Variants in ACTR3C observed in about 807,000 individuals in gnomAD.
ACTR3C encodes actin-related protein 3C.
In ACTR3C, 18 loss-of-function variants were observed where a neutral mutation model predicts 26.3. That is an observed-to-expected ratio of 0.68 (90% CI 0.47 to 1.01). The LOEUF (loss-of-function observed/expected upper bound fraction) is 1.01, where lower values mean the gene tolerates loss of function less well. Among genes scored for constraint, ACTR3C ranks in the 50% least tolerant of loss-of-function variants. The pLI is 0.00. For synonymous variants in ACTR3C, 55 were observed against 94.5 expected (o/e 0.58, Z 2.42); for missense variants, 184 against 250.7 (o/e 0.73, Z 1.80).
the ACTR3C span, among the ~76,000 whole-genome samples, chr7:150,207,743 C>T: frequency 9.2e-5 from 14 of 152,150 alleles, no homozygotes; most frequent in Non-Finnish European, 1.9e-4. Context: ...TGTTGACACG[C>T]TTTTCATTTC....
chr7:150,141,006 C>T, the ACTR3C span, among the ~76,000 whole-genome samples: 3 of 152,344 alleles, frequency 2.0e-5, no homozygotes, highest in Non-Finnish European at 2.9e-5. Flanking sequence ...AACCAGCCAC[C>T]ACATTCCCTT....
At chr7:150,256,534 T>C (rs1484653538) in intron 6 of ACTR3C, among the ~76,000 whole-genome samples, 1 of 152,226 alleles carries the variant, frequency 6.6e-6, no homozygotes, top group African/African-American at 2.4e-5. Context: ...TTATTGTCAC[T>C]TATAAGTGGG....
chr7:150,267,185 C>T (rs987311907), intron 6 of ACTR3C, among the ~76,000 whole-genome samples: 1 of 152,188 alleles, frequency 6.6e-6, no homozygotes, highest in Non-Finnish European at 1.5e-5. Context: ...TCAAAAGCAC[C>T]GAGTGAAGGA....
At chr7:150,092,676 G>A in the ACTR3C span, among the ~76,000 whole-genome samples, 3 of 150,436 alleles carry the variant, frequency 2.0e-5, no homozygotes, top group Admixed American at 2.0e-4. Context: ...CTGAACATCC[G>A]GGAGGACACT....
chr7:150,117,991 T>G, the ACTR3C span, among the ~76,000 whole-genome samples: 66,568 of 151,912 alleles, frequency 0.44, 14,768 homozygotes, highest in African/African-American at 0.51. Flanking sequence ...GCAGAAGAGG[T>G]GACTGACTGT....
the ACTR3C span, among the ~76,000 whole-genome samples, chr7:149,970,704 A>G: frequency 6.6e-6 from 1 of 152,240 alleles, no homozygotes; most frequent in Non-Finnish European, 1.5e-5. Context: ...GCTAAATTCT[A>G]TTCACATATA....
chr7:150,263,133 G>T (rs1486265247), intron 6 of ACTR3C, among the ~76,000 whole-genome samples: 14 of 151,970 alleles, frequency 9.2e-5, no homozygotes, highest in Admixed American at 9.2e-4. Context: ...TTAAAGAAAT[G>T]ATGATAATTT....
At chr7:149,939,066 C>T in the ACTR3C span, among the ~76,000 whole-genome samples, 1 of 151,582 alleles carries the variant, frequency 6.6e-6, no homozygotes, top group Non-Finnish European at 1.5e-5. Context: ...CCGCAACCTC[C>T]GCCTCCCGGG....
chr7:149,904,530 CAA>C, the ACTR3C span, among the ~76,000 whole-genome samples: 2 of 101,372 alleles, frequency 2.0e-5, no homozygotes, highest in Non-Finnish European at 4.9e-5. Context: ...GACTCCATCT[CAA>C]AAAACAACAA....
chr7:149,943,958 G>A, the ACTR3C span, among the ~76,000 whole-genome samples: 1 of 142,726 alleles, frequency 7.0e-6, no homozygotes, highest in Non-Finnish European at 1.5e-5. Context: ...CCAGCCATGG[G>A]ACTGTCAGGT....
At chr7:150,214,513 C>T in the ACTR3C span, among the ~76,000 whole-genome samples, 28,683 of 149,198 alleles carry the variant, frequency 0.19, 3,991 homozygotes, top group African/African-American at 0.4. Context: ...AGAAATTAAA[C>T]CTGAAAAAGA....
the ACTR3C span, among the ~76,000 whole-genome samples, chr7:150,044,556 T>A: frequency 3.0e-3 from 457 of 152,308 alleles, 4 homozygotes; most frequent in South Asian, 0.032. Context: ...GCCTGTGTAG[T>A]TTGTGCATTT....
At chr7:150,042,791 T>C in the ACTR3C span, among the ~76,000 whole-genome samples, 3 of 151,330 alleles carry the variant, frequency 2.0e-5, no homozygotes, top group South Asian at 2.1e-4. Context: ...AGACGTAGGC[T>C]ACCGGCCTCA....
the ACTR3C span, among the ~76,000 whole-genome samples, chr7:149,998,947 T>C: frequency 9.3e-5 from 14 of 150,478 alleles, no homozygotes; most frequent in East Asian, 2.2e-4. Flanking sequence ...TGCCACATGA[T>C]GAGGAAGGGC....
At chr7:150,008,169 C>T in the ACTR3C span, among the ~76,000 whole-genome samples, 3 of 152,242 alleles carry the variant, frequency 2.0e-5, no homozygotes, top group African/African-American at 4.8e-5. Flanking sequence ...TTCAGTTAAT[C>T]CAAGTTATGC....
chr7:150,016,403 C>T, the ACTR3C span, among the ~76,000 whole-genome samples: 1 of 152,168 alleles, frequency 6.6e-6, no homozygotes, highest in South Asian at 2.1e-4. Context: ...CTCATGTTTT[C>T]TCAGCATCCA....
the ACTR3C span, among the ~76,000 whole-genome samples, chr7:150,042,855 G>C: frequency 2.6e-5 from 4 of 151,182 alleles, no homozygotes; most frequent in Admixed American, 2.0e-4. Flanking sequence ...TTCTCTCTCT[G>C]ACGCATACAA....
chr7:150,064,001 T>A, the ACTR3C span, among the ~76,000 whole-genome samples: 1 of 151,910 alleles, frequency 6.6e-6, no homozygotes. Context: ...TACCCCTTGC[T>A]TGAACGGGTA....
At chr7:150,222,797 CTT>C in the ACTR3C span, among the ~76,000 whole-genome samples, 1 of 152,178 alleles carries the variant, frequency 6.6e-6, no homozygotes, top group Non-Finnish European at 1.5e-5. Flanking sequence ...TTTTATGTCA[CTT>C]ATGTGACAAT....
Sources: allele counts gnomAD v4.1 joint callset (sites outside exome capture counted in the v4.1 genomes callset), GRCh38; gene constraint gnomAD v4.1.1; transcripts MANE v1.5; gene names NCBI Gene and HGNC (gene_info 2026-07-23, HGNC 2026-07-21).